The following SAMD12 variants were observed in gnomAD, a reference collection of about 807,000 sequenced individuals.
SAMD12 encodes the protein sterile alpha motif domain-containing protein 12.
SAMD12 carries 9 observed loss-of-function variants against 15.0 expected under a neutral mutation model. The ratio of observed to expected loss-of-function variants is 0.60; its 90% confidence interval spans 0.36 to 1.05. SAMD12 has a LOEUF of 1.05. Ranked by LOEUF, SAMD12 falls within the 50% of genes least tolerant of loss-of-function variation. The pLI, the probability that SAMD12 is intolerant of heterozygous loss-of-function variation, is 0.01. For synonymous variants in SAMD12, 86 were observed against 90.1 expected (o/e 0.96, Z 0.25); for missense variants, 230 against 234.2 (o/e 0.98, Z 0.12).
chr8:118,487,496 T>G (rs79595476), intron 2 of SAMD12, among the ~76,000 whole-genome samples: 2,605 of 152,222 alleles, frequency 0.017, 67 homozygotes, highest in African/African-American at 0.056. Context: ...TAGGTGAGAG[T>G]GTCCAATAAC....
intron 2 of SAMD12, among the ~76,000 whole-genome samples, chr8:118,462,720 C>T (rs1823461294): frequency 6.6e-6 from 1 of 152,168 alleles, no homozygotes; most frequent in Non-Finnish European, 1.5e-5. Flanking sequence ...ATCCAAAGCA[C>T]AGAGGCCAAG....
intron 2 of SAMD12, among the ~76,000 whole-genome samples, chr8:118,503,004 C>T (rs7012653): frequency 0.42 from 63,649 of 151,982 alleles, 13,485 homozygotes; most frequent in Admixed American, 0.47. Context: ...TATAAATAAC[C>T]ATGCAGAGCA....
intron 4 of SAMD12, among the ~76,000 whole-genome samples, chr8:118,326,710 TG>T (rs1423309071): frequency 1.3e-5 from 2 of 152,012 alleles, no homozygotes; most frequent in Non-Finnish European, 1.5e-5. Context: ...TATGTTTTCC[TG>T]GTTCGTCAGA....
At chr8:118,455,431 ACTAGTTAGTCCTT>A (rs1422053458) in intron 2 of SAMD12, among the ~76,000 whole-genome samples, 1 of 152,000 alleles carries the variant, frequency 6.6e-6, no homozygotes, top group Non-Finnish European at 1.5e-5. Context: ...TCTCTACCGC[ACTAGTTAGTCCTT>A]CTTTCTTTGT....
At chr8:118,370,142 C>A (rs1374990545) in intron 4 of SAMD12, among the ~76,000 whole-genome samples, 1 of 152,088 alleles carries the variant, frequency 6.6e-6, no homozygotes, top group Non-Finnish European at 1.5e-5. Flanking sequence ...ACAGACACTT[C>A]TCAAAAGAAG....
chr8:118,165,809 C>T, the SAMD12 span, among the ~76,000 whole-genome samples: 1 of 151,856 alleles, frequency 6.6e-6, no homozygotes, highest in East Asian at 1.9e-4. Context: ...TCTGATCTGA[C>T]ACGTGATAAT....
At chr8:118,132,947 T>C in the SAMD12 span, among the ~76,000 whole-genome samples, 2 of 134,858 alleles carry the variant, frequency 1.5e-5, no homozygotes, top group Non-Finnish European at 3.2e-5. Flanking sequence ...ATGATTCTTA[T>C]GGTAGCTAAC....
intron 4 of SAMD12, among the ~76,000 whole-genome samples, chr8:118,287,742 T>C (rs2630130): frequency 0.077 from 11,707 of 152,248 alleles, 844 homozygotes; most frequent in East Asian, 0.34. Context: ...TTTTCTGTGA[T>C]TGTTGTTCAC....
chr8:118,225,172 C>T (rs1563703608), intron 4 of SAMD12, among the ~76,000 whole-genome samples: 1 of 152,096 alleles, frequency 6.6e-6, no homozygotes, highest in Non-Finnish European at 1.5e-5. Context: ...GTAGTTCTCC[C>T]TAGACTTCTT....
At chr8:118,148,047 C>A in the SAMD12 span, among the ~76,000 whole-genome samples, 1 of 152,064 alleles carries the variant, frequency 6.6e-6, no homozygotes, top group African/African-American at 2.4e-5. Flanking sequence ...CCTGCCTCAG[C>A]CTCCGGAATA....
chr8:118,432,587 A>G (rs1041135531), intron 3 of SAMD12, among the ~76,000 whole-genome samples: 2 of 152,176 alleles, frequency 1.3e-5, no homozygotes, highest in African/African-American at 4.8e-5. Flanking sequence ...CTACCAACTT[A>G]CTGTGATAAG....
intron 1 of SAMD12, among the ~76,000 whole-genome samples, chr8:118,617,700 T>TAA (rs907618440): frequency 1.1e-4 from 16 of 149,552 alleles, no homozygotes; most frequent in African/African-American, 3.7e-4. Flanking sequence ...GGATGAGGGG[T>TAA]AAAAAAAAAA....
chr8:118,374,180 A>G (rs1432322690), downstream of SAMD12, among the ~76,000 whole-genome samples: 5 of 151,978 alleles, frequency 3.3e-5, no homozygotes, highest in Non-Finnish European at 5.9e-5. Flanking sequence ...CCACTTTTTT[A>G]CTTTGTTTCT....
At chr8:118,247,357 G>A (rs1464806077) in intron 4 of SAMD12, among the ~76,000 whole-genome samples, 1 of 152,020 alleles carries the variant, frequency 6.6e-6, no homozygotes, top group Admixed American at 6.6e-5. Flanking sequence ...ATACAGCATA[G>A]TGACTATAGT....
chr8:118,269,212 CTCTCTCTCTGTGTGTGTGTG>C (rs937567638), intron 4 of SAMD12, among the ~76,000 whole-genome samples: 1 of 117,976 alleles, frequency 8.5e-6, no homozygotes, highest in African/African-American at 4.0e-5. Context: ...CTCTCTCTCT[CTCTCTCTCTGTGTGTGTGTG>C]TGTGTGTGTG....
intron 4 of SAMD12, among the ~76,000 whole-genome samples, chr8:118,368,395 G>T (rs551371595): frequency 5.2e-4 from 79 of 152,288 alleles, no homozygotes; most frequent in African/African-American, 1.9e-3. Flanking sequence ...TGAGCTCATG[G>T]TCATAGAAGA....
the SAMD12 span, among the ~76,000 whole-genome samples, chr8:118,171,698 G>A: frequency 0.048 from 7,309 of 150,706 alleles, 583 homozygotes; most frequent in African/African-American, 0.17. Context: ...GGCTTGGAGA[G>A]AATGGGGAGT....
chr8:118,502,913 G>C (rs4421377), intron 2 of SAMD12, among the ~76,000 whole-genome samples: 28,912 of 152,054 alleles, frequency 0.19, 2,901 homozygotes, highest in South Asian at 0.4. Flanking sequence ...GGAAATTTCA[G>C]GATAAGGATT....
chr8:118,291,026 A>C (rs1007997036), intron 4 of SAMD12, among the ~76,000 whole-genome samples: 1 of 152,200 alleles, frequency 6.6e-6, no homozygotes, highest in Non-Finnish European at 1.5e-5. Flanking sequence ...TTATTCTCAT[A>C]AGCAGCTTAA....
Sources: allele counts gnomAD v4.1 joint callset (sites outside exome capture counted in the v4.1 genomes callset), GRCh38; gene constraint gnomAD v4.1.1; transcripts MANE v1.5; gene names NCBI Gene and HGNC (gene_info 2026-07-23, HGNC 2026-07-21).